The following RABEP1 variants were observed in gnomAD, a reference collection of about 807,000 sequenced individuals.
RABEP1 encodes rabaptin, RAB GTPase binding effector protein 1, also known as rab GTPase-binding effector protein 1.
A neutral mutation model predicts 123.4 loss-of-function variants in RABEP1; 51 were observed. The observed-to-expected ratio is 0.41, with a 90% confidence interval of 0.33 to 0.52. The LOEUF (loss-of-function observed/expected upper bound fraction) is 0.52, where lower values mean the gene tolerates loss of function less well. RABEP1 is among the 20% of genes least tolerant of loss of function. The pLI is 0.16. For missense variants in RABEP1, 888 were observed against 996.3 expected, an observed-to-expected ratio of 0.89 and a Z score of 1.46; for synonymous variants, 347 against 355.2, an observed-to-expected ratio of 0.98 and a Z score of 0.26.
At chr17:5,323,539 A>G (rs928398580) in intron 2 of RABEP1, among the ~76,000 whole-genome samples, 1 of 146,954 alleles carries the variant, frequency 6.8e-6, no homozygotes, top group Admixed American at 6.8e-5. Flanking sequence ...ATTAGCATTA[A>G]TATATACCAA....
chr17:5,332,272 C>A, intron 3 of RABEP1, 120 bp downstream of exon 3: 1 of 895,610 alleles, frequency 1.1e-6, no homozygotes, highest in Non-Finnish European at 1.7e-6. Context: ...TATGTACTGT[C>A]ATCATCAAGA....
At chr17:5,315,680 A>G (rs1456340454) in intron 2 of RABEP1, among the ~76,000 whole-genome samples, 1 of 152,026 alleles carries the variant, frequency 6.6e-6, no homozygotes, top group African/African-American at 2.4e-5. Context: ...ATGAAACCCC[A>G]TCTCTACTAA....
chr17:5,381,272 G>A (rs1227644778), intron 16 of RABEP1, 117 bp from the exon 17 acceptor site: 1 of 1,434,356 alleles, frequency 7.0e-7, no homozygotes, highest in Admixed American at 2.2e-5. Flanking sequence ...GTGTATAGGA[G>A]TGCGACGGAT....
chr17:5,335,934 T>C (rs777411215), intron 4 of RABEP1, among the ~76,000 whole-genome samples: 7 of 152,190 alleles, frequency 4.6e-5, no homozygotes, highest in Non-Finnish European at 1.0e-4. Flanking sequence ...AGTTTTAGAA[T>C]AGATGTTAGT....
chr17:5,286,696 G>C lies in RABEP1; in HGVS notation c.34+4176G>C, dbSNP rs979978031. On this transcript the variant is annotated intron_variant, in intron 1 of 17. Transcript: ENST00000537505. ...TATTCATCTAATATGAATGCATACTGTTTGTCAGGCACAATTCTAGGCATT... is the reference window on the plus strand; with the variant it reads ...TATTCATCTAATATGAATGCATACTCTTTGTCAGGCACAATTCTAGGCATT... Among the ~76,000 whole-genome samples, 25 of 152,154 alleles carry C rather than the reference G, an allele frequency of 1.6e-4. 1 individual carries two copies. The highest frequency in any genetic ancestry group is 4.3e-4 in the African/African-American group (18 of 41,420).
At chr17:5,330,731 C>T (rs762591968) in intron 2 of RABEP1, among the ~76,000 whole-genome samples, 34 of 151,828 alleles carry the variant, frequency 2.2e-4, no homozygotes, top group Non-Finnish European at 4.1e-4. Context: ...TGCTAAAAGG[C>T]GTAAGTTAAG....
rs1254983512 is a variant in RABEP1, at chr17:5,386,313, C to A, written c.*3090C>A. On this transcript the variant is annotated 3_prime_UTR_variant, in exon 18 of 18. Coordinates refer to ENST00000537505, the MANE Select transcript of RABEP1 (RefSeq NM_004703.6). Reference sequence around the variant, plus strand: ...ACTCACTTTTGGAATTATAATAAACCATTTATATGGATTCTTAAGAATTTA... The same window carrying A: ...ACTCACTTTTGGAATTATAATAAACAATTTATATGGATTCTTAAGAATTTA... 5 of 1,386,274 alleles carry A rather than the reference C, an allele frequency of 3.6e-6. No individual in the cohort carries two copies. The highest frequency in any genetic ancestry group is 5.0e-6 in the Non-Finnish European group (5 of 990,618). 85.9% of individuals were successfully genotyped at this position (1,386,274 alleles called of 1,614,324 possible).
intron 12 of RABEP1, among the ~76,000 whole-genome samples, chr17:5,370,044 A>G (rs1182669033): frequency 6.6e-6 from 1 of 152,164 alleles, no homozygotes; most frequent in Non-Finnish European, 1.5e-5. Context: ...ACACTTTTCA[A>G]GCTGGTTTCA....
chr17:5,359,159 C>T (rs1162780650), intron 8 of RABEP1, among the ~76,000 whole-genome samples: 7 of 150,780 alleles, frequency 4.6e-5, no homozygotes, highest in East Asian at 3.9e-4. Context: ...CTGCAAGCTC[C>T]GCCTCCCGGG....
chr17:5,350,627 C>G lies in RABEP1; in HGVS notation c.961C>G (p.Gln321Glu). ...AGTTGAAGAACTGAAGAAGAAAGAT[C>G]AGGTGAATAGAAGTTTTTAGGACTG... ...RQVEELKKKD[Q>E]EDDEQQRLNK... Residue 321 changes from glutamine to glutamate, a missense_variant and splice_region_variant, in exon 7 of 18, where the codon CAG becomes GAG. Physicochemically the swap from Gln to Glu is conservative, Grantham distance 29 (BLOSUM62 2). Transcript: ENST00000537505. 1 of 1,613,718 alleles carries G rather than the reference C, an allele frequency of 6.2e-7. No individual in the cohort carries two copies. Among genetic ancestry groups the G allele is most frequent in the Non-Finnish European group, 8.5e-7 (1 of 1,179,898 alleles).
intron 13 of RABEP1, among the ~76,000 whole-genome samples, chr17:5,375,703 T>C (rs1910934502): frequency 6.6e-6 from 1 of 151,364 alleles, no homozygotes; most frequent in African/African-American, 2.4e-5. Flanking sequence ...GAGGACCCTG[T>C]CTCAATTAAA....
intron 1 of RABEP1, among the ~76,000 whole-genome samples, chr17:5,294,836 CAG>C (rs767198905): frequency 7.0e-4 from 106 of 150,974 alleles, no homozygotes; most frequent in Non-Finnish European, 9.2e-4. Flanking sequence ...TTAGTAGAGA[CAG>C]GGTTTCATCA....
At chr17:5,369,024 G>A (rs556289976) in intron 12 of RABEP1, among the ~76,000 whole-genome samples, 11 of 152,192 alleles carry the variant, frequency 7.2e-5, no homozygotes, top group South Asian at 6.2e-4. Context: ...CAGGAGAAGC[G>A]CTTGAACCTG....
intron 2 of RABEP1, among the ~76,000 whole-genome samples, chr17:5,317,088 AT>A (rs2075305764): frequency 6.6e-6 from 1 of 152,028 alleles, no homozygotes; most frequent in Admixed American, 6.6e-5. Context: ...GAGGAGACAC[AT>A]CCCCACTTAT....
intron 11 of RABEP1, 139 bp downstream of exon 11, chr17:5,365,377 C>T (rs1018615536): frequency 5.8e-6 from 3 of 513,014 alleles, no homozygotes; most frequent in Non-Finnish European, 1.0e-5. Context: ...AGATTTCTTA[C>T]TGATCATTCT....
intron 5 of RABEP1, among the ~76,000 whole-genome samples, chr17:5,341,293 A>G (rs118024887): frequency 0.017 from 2,522 of 152,308 alleles, 30 homozygotes; most frequent in Middle Eastern, 0.041. Flanking sequence ...GAACATAACT[A>G]CAAATCAGTA....
At position 5,350,502 on chromosome 17, in the gene RABEP1, C is replaced by T. The variant is rs971053413; in HGVS notation, c.836C>T (p.Thr279Met). 4 of 1,614,050 alleles carry T rather than the reference C, an allele frequency of 2.5e-6. No homozygotes were observed. The highest frequency in any genetic ancestry group is 3.4e-6 in the Non-Finnish European group (4 of 1,179,986). ...ERQQHNQLKH[T>M]WQKANDQFLE... ...CAACAACACAACCAGTTAAAACATA[C>T]GTGGCAGAAGGCCAATGACCAGTTT... The change falls in exon 7 of 18, where the codon ACG becomes ATG. Residue 279 changes from threonine (T) to methionine (M), a missense_variant. Coordinates refer to ENST00000537505, the MANE Select transcript of RABEP1 (RefSeq NM_004703.6).
In RABEP1 at chr17:5,299,719, C is replaced by CTTTTCT. The variant is rs2075116264; in HGVS notation, c.35-8971_35-8970insCTTTTT. ...TCATTTCTTTTTCTTTTTTTCTTTT[C>CTTTTCT]TTTTTCTTTTTCTTTTTTTTTTTTT... On this transcript the variant is annotated intron_variant, in intron 1 of 17. Transcript: ENST00000537505. 1.9e-3 allele frequency among the ~76,000 whole-genome samples: 192 copies of CTTTTCT among 98,832 alleles called. 2 individuals are homozygous for CTTTTCT. Among genetic ancestry groups the CTTTTCT allele is most frequent in the East Asian group, 0.011 (22 of 1,934 alleles). The allele number at this position is 98,832 out of a possible 152,430, so 64.8% of individuals were successfully genotyped here.
intron 15 of RABEP1, 144 bp from the exon 16 acceptor site, chr17:5,380,220 T>C: frequency 1.7e-6 from 1 of 600,276 alleles, no homozygotes; most frequent in Non-Finnish European, 2.9e-6. Flanking sequence ...ACAGAGGGGA[T>C]CCACAGAGCT....
Sources: gnomAD v4.1 joint callset for allele counts (sites outside exome capture counted in the v4.1 genomes callset) on GRCh38, gnomAD v4.1.1 for gene constraint, MANE v1.5 for transcripts, NCBI Gene and HGNC (gene_info 2026-07-23, HGNC 2026-07-21) for gene names.